Variants in ANGPT2 observed in about 807,000 individuals in gnomAD.
ANGPT2 encodes the protein angiopoietin 2, also known as angiopoietin-2.
Under a neutral mutation model 62.9 loss-of-function variants are expected in ANGPT2, and 28 were observed. The ratio of observed to expected loss-of-function variants is 0.44; its 90% confidence interval spans 0.33 to 0.61. ANGPT2 has a LOEUF of 0.61. Ranked by LOEUF, ANGPT2 falls within the 20% of genes least tolerant of loss-of-function variation. The probability of loss-of-function intolerance (pLI) is 0.03; values close to 1 mark genes in which losing one functional copy is unlikely to be tolerated. For missense variants in ANGPT2, 727 were observed against 594.9 expected (o/e 1.22, Z -2.31); for synonymous variants, 284 against 207.8 (o/e 1.37, Z -3.15).
chr8:6,546,926 C>G (rs1422945711), intron 1 of ANGPT2, among the ~76,000 whole-genome samples: 1 of 152,208 alleles, frequency 6.6e-6, no homozygotes, highest in East Asian at 1.9e-4. Flanking sequence ...TCTGAAATCA[C>G]TAGGAAAAAC....
intron 1 of ANGPT2, among the ~76,000 whole-genome samples, chr8:6,557,720 T>C (rs901611966): frequency 9.5e-5 from 14 of 146,612 alleles, no homozygotes; most frequent in African/African-American, 3.5e-4. Flanking sequence ...CACACATACA[T>C]ATATACAGGG....
chr8:6,539,025 G>C (rs1267235146), intron 1 of ANGPT2, among the ~76,000 whole-genome samples: 1 of 76,532 alleles, frequency 1.3e-5, no homozygotes, highest in African/African-American at 4.6e-5. Flanking sequence ...TTTTAGAGTT[G>C]GGCTTGTGTG....
Position 6,538,674 on chromosome 8 carries a change from C to T in ANGPT2, c.289-6187G>A, listed in dbSNP as rs1021926172. ...ATTGCATGCCCTAAGCAAAGATACT[C>T]GTTTTGTGTTTCCTTTTGATATCAA... On this transcript the variant is annotated intron_variant, in intron 1 of 8. Coordinates refer to ENST00000629816, the MANE Select transcript of ANGPT2 (RefSeq NM_001118887.2). 2.6e-5 allele frequency among the ~76,000 whole-genome samples: 4 copies of T among 152,314 alleles called. No homozygotes were observed. The South Asian group carries it at 6.2e-4, about 24-fold the overall frequency.
Position 6,499,873 on chromosome 8 carries a change from G to A in ANGPT2, c.*3228C>T, listed in dbSNP as rs1563292953. ...GCAGGTGCTATGGTCTTTAGAATTGGGTCACTGGATTTCTGAGGAGCCGTT... is the reference window on the plus strand; with the variant it reads ...GCAGGTGCTATGGTCTTTAGAATTGAGTCACTGGATTTCTGAGGAGCCGTT... On this transcript the variant is annotated 3_prime_UTR_variant, in exon 9 of 9. Transcript: ENST00000629816. 6.8e-6 allele frequency: 11 copies of A among 1,613,188 alleles called. No individual in the cohort carries two copies. Among genetic ancestry groups the A allele is most frequent in the Non-Finnish European group, 9.3e-6 (11 of 1,179,974 alleles).
At chr8:6,513,866 T>G in intron 6 of ANGPT2, 22 bp from the exon 7 acceptor site, 3 of 1,581,546 alleles carry the variant, frequency 1.9e-6, no homozygotes, top group Non-Finnish European at 2.6e-6. Context: ...GTTGTTAAAT[T>G]CAATTATTTC....
intron 1 of ANGPT2, among the ~76,000 whole-genome samples, chr8:6,538,788 C>T (rs140548316): frequency 6.6e-6 from 1 of 152,268 alleles, no homozygotes; most frequent in East Asian, 1.9e-4. Context: ...TGAACAGAAT[C>T]CTCAAACTCT....
At chr8:6,553,287 T>C (rs1443610421) in intron 1 of ANGPT2, among the ~76,000 whole-genome samples, 25 of 152,262 alleles carry the variant, frequency 1.6e-4, no homozygotes, top group Non-Finnish European at 1.5e-5. Context: ...TTTTAAAAAA[T>C]CATTTACTAC....
chr8:6,539,349 G>A (rs1375668), intron 1 of ANGPT2, among the ~76,000 whole-genome samples: 86,978 of 152,004 alleles, frequency 0.57, 27,323 homozygotes, highest in East Asian at 0.92. Flanking sequence ...TTATAGTCTT[G>A]GCCTTTTCTT....
chr8:6,539,327 T>C (rs1046528927), intron 1 of ANGPT2, among the ~76,000 whole-genome samples: 2 of 152,248 alleles, frequency 1.3e-5, no homozygotes, highest in Non-Finnish European at 2.9e-5. Context: ...ACTTGCCATC[T>C]GTTGACTGTT....
At chr8:6,530,719 C>T (rs1284067766) in intron 2 of ANGPT2, among the ~76,000 whole-genome samples, 1 of 152,032 alleles carries the variant, frequency 6.6e-6, no homozygotes, top group Non-Finnish European at 1.5e-5. Context: ...TGTGGAAAGA[C>T]CTGGTAGTCA....
chr8:6,519,917 T>C lies in ANGPT2; in HGVS notation c.874A>G (p.Thr292Ala), dbSNP rs1816991832. 6 of 1,613,554 alleles carry C rather than the reference T, an allele frequency of 3.7e-6. No homozygotes were observed. The highest frequency in any genetic ancestry group is 1.7e-4 in the Middle Eastern group (1 of 6,060). The change falls in exon 5 of 9, where the codon ACC becomes GCC. Residue 292 changes from threonine (T) to alanine (A), a missense_variant. Thr to Ala is a moderately conservative substitution (Grantham distance 58). Coordinates refer to ENST00000629816, the MANE Select transcript of ANGPT2 (RefSeq NM_001118887.2). ...DCAEVFKSGHTTNGIYTLTFP... is the reference protein window; with the variant it reads ...DCAEVFKSGHATNGIYTLTFP... ...GTTAACGTGTAGATGCCATTCGTGG[T>C]GTGTCCTGATTTGAATACTTCAGCA...
chr8:6,512,784 C>A lies in ANGPT2; in HGVS notation c.1196+894G>T, dbSNP rs1815423487. Among the ~76,000 whole-genome samples, 4 of 152,198 alleles carry A rather than the reference C, an allele frequency of 2.6e-5. No individual in the cohort carries two copies. In the South Asian group the frequency reaches 8.3e-4, roughly 31 times the overall value. ...CCAGTCAAGGTTGCCCATGCTATTA[C>A]TTATGATTATTGCTACCAAATGGGT... On this transcript the variant is annotated intron_variant, in intron 7 of 8. Coordinates refer to ENST00000629816, the MANE Select transcript of ANGPT2 (RefSeq NM_001118887.2).
At chr8:6,559,973 T>A (rs898263621) in intron 1 of ANGPT2, among the ~76,000 whole-genome samples, 22 of 152,248 alleles carry the variant, frequency 1.4e-4, no homozygotes, top group Non-Finnish European at 2.9e-5. Context: ...GCCGGACAGA[T>A]TAAAGGGGCA....
intron 3 of ANGPT2, among the ~76,000 whole-genome samples, chr8:6,524,780 T>G (rs1818018549): frequency 6.6e-6 from 1 of 152,330 alleles, no homozygotes. Context: ...GTAAGGTCTG[T>G]AAATAGAAGT....
At chr8:6,556,531 C>T (rs1292440661) in intron 1 of ANGPT2, among the ~76,000 whole-genome samples, 1 of 152,104 alleles carries the variant, frequency 6.6e-6, no homozygotes, top group East Asian at 1.9e-4. Flanking sequence ...CCCTTCTGTG[C>T]AGCACATACT....
intron 8 of ANGPT2, among the ~76,000 whole-genome samples, chr8:6,504,350 C>G (rs186255279): frequency 9.4e-5 from 14 of 149,718 alleles, no homozygotes; most frequent in African/African-American, 3.5e-4. Flanking sequence ...ATGTATAAAC[C>G]TTAAATTGCA....
Position 6,501,665 on chromosome 8 carries a change from C to G in ANGPT2, c.*1436G>C, listed in dbSNP as rs1174026890. The G allele has an allele frequency of 6.6e-6, 1 of 151,276 alleles. No homozygotes were observed. The highest frequency in any genetic ancestry group is 2.4e-5 in the African/African-American group (1 of 41,118). 9.4% of individuals were successfully genotyped at this position (151,276 alleles called of 1,614,324 possible). On this transcript the variant is annotated 3_prime_UTR_variant, in exon 9 of 9. Coordinates refer to ENST00000629816, the MANE Select transcript of ANGPT2 (RefSeq NM_001118887.2). ...TACCTCCCTGGTGCAAGCAATTCTC[C>G]CTGCCTCAGCCTCCCGAGTAGCTGG...
At chr8:6,528,238 A>G (rs1054480522) in intron 2 of ANGPT2, among the ~76,000 whole-genome samples, 23 of 152,164 alleles carry the variant, frequency 1.5e-4, no homozygotes, top group African/African-American at 5.6e-4. Flanking sequence ...AGTTCTGGAC[A>G]ATGGGGTCTG....
intron 1 of ANGPT2, among the ~76,000 whole-genome samples, chr8:6,545,773 T>C (rs1822473265): frequency 6.6e-6 from 1 of 152,174 alleles, no homozygotes; most frequent in African/African-American, 2.4e-5. Context: ...AGGAAGAAAA[T>C]GATTTGTGCT....
Sources: gnomAD v4.1 joint callset for allele counts (sites outside exome capture counted in the v4.1 genomes callset) on GRCh38, gnomAD v4.1.1 for gene constraint, MANE v1.5 for transcripts, NCBI Gene and HGNC (gene_info 2026-07-23, HGNC 2026-07-21) for gene names.